TSHZ1: variants seen among roughly 807,000 people sequenced by gnomAD.
TSHZ1 encodes the protein teashirt homolog 1.
Under a neutral mutation model 67.1 loss-of-function variants are expected in TSHZ1, and 12 were observed. That is an observed-to-expected ratio of 0.18 (90% CI 0.11 to 0.29). TSHZ1 has a LOEUF of 0.29. Among genes scored for constraint, TSHZ1 ranks in the 10% least tolerant of loss-of-function variants. The probability of loss-of-function intolerance (pLI) is 1.00; values close to 1 mark genes in which losing one functional copy is unlikely to be tolerated. For missense variants in TSHZ1, 1,305 were observed against 1,413.9 expected (o/e 0.92, Z 1.23); for synonymous variants, 632 against 622.4 (o/e 1.02, Z -0.23).
At position 75,280,852 on chromosome 18, in the gene TSHZ1, G is replaced by C. The variant is rs779197164; in HGVS notation, c.41-4596G>C. 1.8e-5 allele frequency: 18 copies of C among 982,828 alleles called. No homozygotes were observed. The African/African-American group carries it at 3.1e-4, about 17-fold the overall frequency. The allele number at this position is 982,828 out of a possible 1,614,324, so 60.9% of individuals were successfully genotyped here. A position where few individuals can be genotyped will look rare whatever the true frequency, so the allele number is the denominator to read the frequency against. On this transcript the variant is annotated intron_variant, in intron 1 of 1. Transcript: ENST00000580243. ...GATTCTTCCAGGAGTGGTGAATTCC[G>C]TGAGGGGATTGAGAGGGTGGCATAA...
intron 1 of TSHZ1, among the ~76,000 whole-genome samples, chr18:75,268,779 A>C (rs2023522626): frequency 6.6e-6 from 1 of 152,192 alleles, no homozygotes; most frequent in South Asian, 2.1e-4. Context: ...TTTAGGTTTG[A>C]CATCAGCCAA....
intron 1 of TSHZ1, chr18:75,282,877 C>T (rs2122615426): frequency 6.6e-6 from 1 of 152,564 alleles, no homozygotes; most frequent in South Asian, 2.1e-4. Context: ...CTGGTTTAGC[C>T]TGTGCAGCAG....
chr18:75,211,738 G>A lies in TSHZ1; in HGVS notation c.-139G>A. ...CGAGCGGCTCCCCGCGGTCCGCGGC[G>A]CGCCCGGAGCCCGGAGCCCGCGGGG... is the stretch of plus-strand genomic sequence containing the variant. On this transcript the variant is annotated 5_prime_UTR_variant, in exon 1 of 2. Coordinates refer to ENST00000580243, the MANE Select transcript of TSHZ1 (RefSeq NM_001308210.2). The A allele has an allele frequency of 2.6e-6, 1 of 378,500 alleles. No homozygotes were observed. The highest frequency in any genetic ancestry group is 3.6e-6 in the Non-Finnish European group (1 of 278,246). The allele number at this position is 378,500 out of a possible 1,614,324, so 23.4% of individuals were successfully genotyped here. A position where few individuals can be genotyped will look rare whatever the true frequency, so the allele number is the denominator to read the frequency against.
At chr18:75,264,805 T>C (rs141807515) in intron 1 of TSHZ1, among the ~76,000 whole-genome samples, 2 of 152,324 alleles carry the variant, frequency 1.3e-5, no homozygotes, top group Admixed American at 1.3e-4. Flanking sequence ...TCAAATCTGT[T>C]ATTTTAGAAG....
Position 75,258,842 on chromosome 18 carries a change from C to T in TSHZ1, c.41-26606C>T, listed in dbSNP as rs146897381. Reference sequence around the variant, plus strand: ...GACTGTGCCATCCACTGATGGATGACGATGATGGCAGTGGTGATGTTATTG... The same window carrying T: ...GACTGTGCCATCCACTGATGGATGATGATGATGGCAGTGGTGATGTTATTG... On this transcript the variant is annotated intron_variant, in intron 1 of 1. Coordinates refer to ENST00000580243, the MANE Select transcript of TSHZ1 (RefSeq NM_001308210.2). Among the ~76,000 whole-genome samples, 137 of 152,108 alleles carry T rather than the reference C, an allele frequency of 9.0e-4. 1 individual carries two copies. The highest frequency in any genetic ancestry group is 3.0e-3 in the African/African-American group (125 of 41,508).
In TSHZ1 at chr18:75,288,011, T is replaced by C. The variant is rs746371339; in HGVS notation, c.2604T>C (p.Asp868=). The change falls in exon 2 of 2, where the codon GAT becomes GAC. Residue 868 remains aspartate (D), a synonymous_variant. Transcript: ENST00000580243. The surrounding 1 kb of genome is among the most constrained non-coding windows in gnomAD (Gnocchi z 4.9). ...CAGTTTCAGAGAAGTCCGATGCTGA[T>C]GGCAGCAGCTTTGAGGAGGCGTTGG... The part of the protein sequence containing the change: ...PSTVSEKSDA[D]GSSFEEALDE... 1.9e-6 allele frequency: 3 copies of C among 1,614,080 alleles called. No individual in the cohort carries two copies. The highest frequency in any genetic ancestry group is 1.3e-5 in the African/African-American group (1 of 74,932).
chr18:75,236,219 G>A (rs1033415949), intron 1 of TSHZ1, among the ~76,000 whole-genome samples: 12 of 152,186 alleles, frequency 7.9e-5, no homozygotes, highest in Admixed American at 2.6e-4. Flanking sequence ...CTGACCAGGG[G>A]TGTGTGTCTC....
intron 1 of TSHZ1, among the ~76,000 whole-genome samples, chr18:75,249,215 AGT>A: frequency 6.6e-6 from 1 of 152,154 alleles, no homozygotes; most frequent in Non-Finnish European, 1.5e-5. Flanking sequence ...CATCCTTCCT[AGT>A]GGTCTTCCTG....
At chr18:75,241,664 A>C (rs1008908600) in intron 1 of TSHZ1, among the ~76,000 whole-genome samples, 1 of 152,186 alleles carries the variant, frequency 6.6e-6, no homozygotes, top group Admixed American at 6.5e-5. Flanking sequence ...TAACAAATCA[A>C]TACAAATTAA....
At chr18:75,221,665 G>A (rs2022846852) in intron 1 of TSHZ1, among the ~76,000 whole-genome samples, 1 of 152,174 alleles carries the variant, frequency 6.6e-6, no homozygotes, top group South Asian at 2.1e-4. Flanking sequence ...CAGCAGTAGG[G>A]CATCCTATTA....
chr18:75,225,394 G>A (rs1259806237), intron 1 of TSHZ1, among the ~76,000 whole-genome samples: 2 of 152,256 alleles, frequency 1.3e-5, no homozygotes, highest in African/African-American at 4.8e-5. Context: ...GCTCGCGGGA[G>A]AGTTGGAGAT....
chr18:75,283,669 C>T (rs1227191709), intron 1 of TSHZ1: 1 of 152,256 alleles, frequency 6.6e-6, no homozygotes, highest in African/African-American at 2.4e-5. Flanking sequence ...ATGGCCTGAA[C>T]TAGAAGATTC....
intron 1 of TSHZ1, among the ~76,000 whole-genome samples, chr18:75,226,453 A>G (rs143476829): frequency 6.6e-6 from 1 of 152,374 alleles, no homozygotes; most frequent in East Asian, 1.9e-4. Context: ...TCTGGCTACA[A>G]GTTAGAGTGT....
At chr18:75,236,029 G>A (rs974635024) in intron 1 of TSHZ1, among the ~76,000 whole-genome samples, 2 of 152,166 alleles carry the variant, frequency 1.3e-5, no homozygotes, top group Non-Finnish European at 2.9e-5. Context: ...AAGCGTGCGT[G>A]ATAGGAAGCT....
intron 1 of TSHZ1, among the ~76,000 whole-genome samples, chr18:75,248,868 A>C (rs1437155859): frequency 6.6e-6 from 1 of 152,218 alleles, no homozygotes; most frequent in African/African-American, 2.4e-5. Flanking sequence ...AACGGTTAGA[A>C]ATAGCCGCAG....
intron 1 of TSHZ1, among the ~76,000 whole-genome samples, chr18:75,235,842 C>G (rs940310391): frequency 6.6e-6 from 1 of 152,306 alleles, no homozygotes; most frequent in East Asian, 1.9e-4. Context: ...CTGCCTCTTG[C>G]CTCTGCCTCC....
intron 1 of TSHZ1, among the ~76,000 whole-genome samples, chr18:75,213,878 G>A (rs1461200562): frequency 1.3e-5 from 2 of 152,190 alleles, no homozygotes; most frequent in African/African-American, 2.4e-5. Flanking sequence ...CAAAGTGATG[G>A]CTATGAAGAG....
In TSHZ1 at chr18:75,287,704, C is replaced by T; in HGVS notation, c.2297C>T (p.Pro766Leu). ...HLGKVSKPVS[P>L]SLDPLAMLYK... ...GGCAAGGTGTCCAAGCCCGTGAGTC[C>T]CTCGCTGGACCCGCTGGCGATGCTG... is the stretch of plus-strand genomic sequence containing the variant. The change falls in exon 2 of 2, where the codon CCC (proline) becomes CTC (leucine). Residue 766 changes from proline to leucine, a missense_variant. Around this residue, in one of 3 missense-constraint regions of TSHZ1, gnomAD observed 909 missense variants for 961.8 expected, o/e 0.95. Transcript: ENST00000580243. The surrounding 1 kb of genome is among the most constrained non-coding windows in gnomAD (Gnocchi z 5.0). 1 of 1,614,190 alleles carries T rather than the reference C, an allele frequency of 6.2e-7. No homozygotes were observed. The highest frequency in any genetic ancestry group is 8.5e-7 in the Non-Finnish European group (1 of 1,180,030).
intron 1 of TSHZ1, among the ~76,000 whole-genome samples, chr18:75,271,590 C>T (rs1206984463): frequency 8.5e-5 from 13 of 152,144 alleles, no homozygotes; most frequent in Non-Finnish European, 1.8e-4. Context: ...GAGTTGTGCC[C>T]GTGCCTATCT....
Sources: gnomAD v4.1 joint callset for allele counts (sites outside exome capture counted in the v4.1 genomes callset) on GRCh38, gnomAD v4.1.1 for gene constraint, gnomAD v4.1.1 regional missense constraint, Gnocchi (gnomAD v3.1) non-coding constraint, MANE v1.5 for transcripts, NCBI Gene and HGNC (gene_info 2026-07-23, HGNC 2026-07-21) for gene names.